The following ACSBG2 variants were observed in gnomAD, a reference collection of about 807,000 sequenced individuals.
The protein encoded by ACSBG2 is acyl-CoA synthetase bubblegum family member 2.
A neutral mutation model predicts 74.7 loss-of-function variants in ACSBG2; 62 were observed. The ratio of observed to expected loss-of-function variants is 0.83; its 90% CI spans 0.68 to 1.03. The LOEUF (loss-of-function observed/expected upper bound fraction) is 1.03. Among genes scored for constraint, ACSBG2 ranks in the 50% least tolerant of loss-of-function variants. The pLI, the probability that ACSBG2 is intolerant of heterozygous loss-of-function variation, is 0.00. For synonymous variants in ACSBG2, 309 were observed against 294.1 expected, an observed-to-expected ratio of 1.05 and a Z score of -0.52; for missense variants, 730 against 817.6, an observed-to-expected ratio of 0.89 and a Z score of 1.31.
intron 4 of ACSBG2, among the ~76,000 whole-genome samples, chr19:6,154,243 A>C (rs2089336393): frequency 6.6e-6 from 1 of 150,900 alleles, no homozygotes; most frequent in East Asian, 2.0e-4. Context: ...AAAAAACCCC[A>C]AAAAATTAGC....
chr19:6,141,434 C>T (rs1169851732), intron 1 of ACSBG2, 79 bp from the exon 2 acceptor site: 3 of 733,726 alleles, frequency 4.1e-6, no homozygotes, highest in Admixed American at 4.0e-5. Context: ...GCAGACATGA[C>T]CAGTGGATGG....
At chr19:6,150,836 G>A (rs1338794977) in intron 3 of ACSBG2, among the ~76,000 whole-genome samples, 3 of 152,148 alleles carry the variant, frequency 2.0e-5, no homozygotes, top group East Asian at 3.9e-4. Context: ...TGGTCAAAAC[G>A]GGCTGCGTGT....
intron 13 of ACSBG2, among the ~76,000 whole-genome samples, chr19:6,188,829 A>G (rs1236572854): frequency 6.6e-6 from 1 of 152,122 alleles, no homozygotes; most frequent in Non-Finnish European, 1.5e-5. Context: ...CGGATGTGGA[A>G]GCTGCATTCT....
intron 7 of ACSBG2, among the ~76,000 whole-genome samples, chr19:6,166,305 T>TGTGTGTGG: frequency 6.7e-6 from 1 of 150,338 alleles, no homozygotes; most frequent in African/African-American, 2.5e-5. Flanking sequence ...TGTGTGTGTG[T>TGTGTGTGG]GTGTGTGTGT....
intron 5 of ACSBG2, among the ~76,000 whole-genome samples, chr19:6,157,001 C>CAGTG (rs1350525095): frequency 2.6e-5 from 4 of 151,812 alleles, no homozygotes; most frequent in African/African-American, 9.7e-5. Context: ...AGCTGGAGTG[C>CAGTG]AGTGGGCTGA....
At position 6,178,270 on chromosome 19, in the gene ACSBG2, C is replaced by A. The variant is rs202109221; in HGVS notation, c.906+874C>A. Among the ~76,000 whole-genome samples the A allele has an allele frequency of 1.6e-3, 243 of 152,138 alleles. 2 individuals are homozygous for A. The highest frequency in any genetic ancestry group is 2.7e-3 in the Admixed American group (42 of 15,276). ...TTTTGTTTTTCCCAGAATTAAGTTGCCTTTCTTTTCCAGTTTGGTGAAGTT... is the reference window on the plus strand; with the variant it reads ...TTTTGTTTTTCCCAGAATTAAGTTGACTTTCTTTTCCAGTTTGGTGAAGTT... On this transcript the variant is annotated intron_variant, in intron 8 of 14. Coordinates refer to ENST00000588485, the MANE Select transcript of ACSBG2 (RefSeq NM_030924.5).
At chr19:6,147,307 T>A (rs546330160) in intron 2 of ACSBG2, 139 bp from the exon 3 acceptor site, 3 of 655,804 alleles carry the variant, frequency 4.6e-6, no homozygotes, top group Non-Finnish European at 7.8e-6. Context: ...CTTGCCAGTG[T>A]TGACCACATA....
At chr19:6,150,492 C>T (rs1418765921) in intron 3 of ACSBG2, among the ~76,000 whole-genome samples, 3 of 152,128 alleles carry the variant, frequency 2.0e-5, no homozygotes, top group Non-Finnish European at 4.4e-5. Flanking sequence ...TCCGCCCATA[C>T]AAGGGAATAT....
Position 6,185,432 on chromosome 19 carries a change from G to A in ACSBG2, c.1323-4G>A. ...CCTGTTTCTCTGCTTCTGTCCCCTG[G>A]CAGCTGTGGCAAGATCTTGACTGGG... is the stretch of plus-strand genomic sequence containing the variant. On this transcript the variant is annotated splice_region_variant and splice_polypyrimidine_tract_variant and intron_variant, in intron 10 of 14. Transcript: ENST00000588485. 1 of 1,614,040 alleles carries A rather than the reference G, an allele frequency of 6.2e-7. No individual in the cohort carries two copies. Among genetic ancestry groups the A allele is most frequent in the South Asian group, 1.1e-5 (1 of 91,068 alleles).
Position 6,182,928 on chromosome 19 carries a change from T to G in ACSBG2, c.1084T>G (p.Leu362Val), listed in dbSNP as rs539844379. 7 of 1,613,852 alleles carry G rather than the reference T, an allele frequency of 4.3e-6. No homozygotes were observed. The highest frequency in any genetic ancestry group is 4.0e-5 in the African/African-American group (3 of 74,870). Residue 362 changes from leucine (L) to valine (V), a missense_variant, in exon 9 of 15, where the codon TTG becomes GTG. By Grantham distance (32) the Leu-to-Val change is conservative (BLOSUM62 1). Coordinates refer to ENST00000588485, the MANE Select transcript of ACSBG2 (RefSeq NM_030924.5). Reference protein sequence around the residue: ...IGFKVNSKKMLGKYNTPVSYR... With the variant: ...IGFKVNSKKMVGKYNTPVSYR... ...CTTCAAGGTCAACTCAAAAAAGATGTTGGGGTAGGTGGAGCATCCAGAGGG... is the reference window on the plus strand; with the variant it reads ...CTTCAAGGTCAACTCAAAAAAGATGGTGGGGTAGGTGGAGCATCCAGAGGG...
At position 6,161,506 on chromosome 19, in the gene ACSBG2, C is replaced by A. The variant is rs187567959; in HGVS notation, c.588+211C>A. Reference sequence around the variant, plus strand: ...TGTGAGGAAAGTGGGTGTGACCTTTCAAAGGACGTGAAATGTGAGCAGAGG... The same window carrying A: ...TGTGAGGAAAGTGGGTGTGACCTTTAAAAGGACGTGAAATGTGAGCAGAGG... On this transcript the variant is annotated intron_variant, in intron 6 of 14. Coordinates refer to ENST00000588485, the MANE Select transcript of ACSBG2 (RefSeq NM_030924.5). 2.1e-5 allele frequency: 10 copies of A among 481,560 alleles called. No homozygotes were observed. In the East Asian group the frequency reaches 3.5e-4, roughly 17 times the overall value. 29.8% of individuals were successfully genotyped at this position (481,560 alleles called of 1,614,324 possible).
At chr19:6,148,110 C>A in intron 3 of ACSBG2, 1 of 182,214 alleles carries the variant, frequency 5.5e-6, no homozygotes, top group Non-Finnish European at 1.2e-5. Flanking sequence ...TTAGGAGCTA[C>A]TTTGAAATTG....
At chr19:6,177,956 C>G (rs1196124086) in intron 8 of ACSBG2, among the ~76,000 whole-genome samples, 4 of 151,036 alleles carry the variant, frequency 2.6e-5, no homozygotes, top group Non-Finnish European at 5.9e-5. Flanking sequence ...CTCCAAAAAA[C>G]AGGAGTTTTT....
At chr19:6,161,318 G>A (rs2145119034) in intron 6 of ACSBG2, 23 bp downstream of exon 6, 1 of 1,605,096 alleles carries the variant, frequency 6.2e-7, no homozygotes, top group Non-Finnish European at 8.5e-7. Flanking sequence ...GGTGGGCACT[G>A]GGGAAAGGGG....
At chr19:6,177,820 T>C (rs571696818) in intron 8 of ACSBG2, among the ~76,000 whole-genome samples, 6 of 152,046 alleles carry the variant, frequency 3.9e-5, no homozygotes, top group Admixed American at 2.6e-4. Flanking sequence ...TATGGTTATG[T>C]AGATTGAACA....
At chr19:6,158,206 C>A (rs1329934568) in intron 5 of ACSBG2, among the ~76,000 whole-genome samples, 1 of 151,946 alleles carries the variant, frequency 6.6e-6, no homozygotes, top group Admixed American at 6.6e-5. Flanking sequence ...CAGGTGCCTG[C>A]CACCATGTCC....
intron 11 of ACSBG2, among the ~76,000 whole-genome samples, chr19:6,186,058 C>CTTTTTT: frequency 6.8e-6 from 1 of 147,108 alleles, no homozygotes. Flanking sequence ...AACAGTTTTA[C>CTTTTTT]TTTTTTTTTT....
At chr19:6,179,255 A>G (rs1003825929) in intron 8 of ACSBG2, among the ~76,000 whole-genome samples, 1 of 150,732 alleles carries the variant, frequency 6.6e-6, no homozygotes, top group Admixed American at 6.6e-5. Flanking sequence ...GGTTTTGCAA[A>G]GTAGTTATGT....
chr19:6,177,499 AT>A (rs1359205050), intron 8 of ACSBG2, 103 bp downstream of exon 8: 90 of 1,251,806 alleles, frequency 7.2e-5, no homozygotes, highest in Non-Finnish European at 9.3e-5. Context: ...GTGAAGCCCC[AT>A]GTCTAACGGT....
Sources: gnomAD v4.1 joint callset for allele counts (sites outside exome capture counted in the v4.1 genomes callset) on GRCh38, gnomAD v4.1.1 for gene constraint, MANE v1.5 for transcripts, NCBI Gene and HGNC (gene_info 2026-07-23, HGNC 2026-07-21) for gene names.